PPP3CA: variants seen among roughly 807,000 people sequenced by gnomAD.
The protein encoded by PPP3CA is protein phosphatase 3 catalytic subunit alpha.
In PPP3CA, 14 loss-of-function variants were observed where a neutral mutation model predicts 66.5. That is an observed-to-expected ratio of 0.21 (90% confidence interval 0.14 to 0.33). The LOEUF is 0.33. Among genes scored for constraint, PPP3CA ranks in the 10% least tolerant of loss-of-function variants. PPP3CA has a pLI of 1.00. For missense variants in PPP3CA, 317 were observed against 639.5 expected (o/e 0.50, Z 5.44); for synonymous variants, 232 against 226.2 (o/e 1.03, Z -0.23).
At chr4:101,118,917 C>A (rs940773496) in intron 2 of PPP3CA, among the ~76,000 whole-genome samples, 2 of 150,620 alleles carry the variant, frequency 1.3e-5, no homozygotes, top group African/African-American at 4.9e-5. Flanking sequence ...TGTAAAAGGC[C>A]TCTGCTGCCT....
chr4:101,333,768 G>C (rs569653100), intron 1 of PPP3CA, among the ~76,000 whole-genome samples: 1 of 152,166 alleles, frequency 6.6e-6, no homozygotes, highest in South Asian at 2.1e-4. Context: ...ATTTACTTTT[G>C]CAAAAAATGA....
chr4:101,092,292 G>A (rs913492116), intron 6 of PPP3CA, among the ~76,000 whole-genome samples: 2 of 152,144 alleles, frequency 1.3e-5, no homozygotes, highest in Admixed American at 6.5e-5. Flanking sequence ...ATAAACAAAT[G>A]TAAGAAGGAA....
intron 4 of PPP3CA, 67 bp downstream of exon 4, chr4:101,099,543 CT>C: frequency 1.2e-6 from 1 of 851,364 alleles, no homozygotes; most frequent in Non-Finnish European, 1.8e-6. Flanking sequence ...TTGTATGTAT[CT>C]TATTATTGAT....
chr4:101,170,174 CAAAAG>C (rs45625639), intron 2 of PPP3CA, among the ~76,000 whole-genome samples: 73,804 of 151,328 alleles, frequency 0.49, 19,326 homozygotes, highest in Middle Eastern at 0.63. Flanking sequence ...ATTGAAATAA[CAAAAG>C]AAAAGTGGCC....
At chr4:101,211,292 C>A (rs1725291450) in intron 1 of PPP3CA, among the ~76,000 whole-genome samples, 1 of 152,082 alleles carries the variant, frequency 6.6e-6, no homozygotes, top group Admixed American at 6.6e-5. Context: ...AAGTACACAT[C>A]CAGTTCTCCA....
chr4:101,282,284 T>C (rs1727709780), intron 1 of PPP3CA, among the ~76,000 whole-genome samples: 1 of 152,172 alleles, frequency 6.6e-6, no homozygotes, highest in Admixed American at 6.5e-5. Flanking sequence ...AGAAAAAAAC[T>C]ACAGTTTTTC....
At chr4:101,284,348 G>A (rs1378259075) in intron 1 of PPP3CA, among the ~76,000 whole-genome samples, 2 of 151,956 alleles carry the variant, frequency 1.3e-5, no homozygotes, top group Admixed American at 6.6e-5. Flanking sequence ...CACCTCCTGG[G>A]TCACAGAATC....
chr4:101,098,663 C>G, intron 4 of PPP3CA, 151 bp from the exon 5 acceptor site: 1 of 599,030 alleles, frequency 1.7e-6, no homozygotes, highest in Non-Finnish European at 2.7e-6. Context: ...TTAAGATTTT[C>G]TGAAAGTAAC....
intron 2 of PPP3CA, among the ~76,000 whole-genome samples, chr4:101,183,184 C>T (rs548649076): frequency 6.2e-4 from 95 of 152,138 alleles, no homozygotes; most frequent in African/African-American, 2.1e-3. Flanking sequence ...ATGTTGGGAC[C>T]CAGTGGCCCT....
rs114306082 is a variant in PPP3CA at position 101,152,687 on chromosome 4, C to G, written c.259+43229G>C. 5.5e-3 allele frequency among the ~76,000 whole-genome samples: 840 copies of G among 152,260 alleles called. 10 individuals carry two copies. The highest frequency in any genetic ancestry group is 0.019 in the African/African-American group (792 of 41,528). On this transcript the variant is annotated intron_variant, in intron 2 of 13. Coordinates refer to ENST00000394854, the MANE Select transcript of PPP3CA (RefSeq NM_000944.5). ...CTCTTTCTCCTTATCAACCAATCAACCAGTCAATCTGCAAATATTTAAGAT... is the reference window on the plus strand; with the variant it reads ...CTCTTTCTCCTTATCAACCAATCAAGCAGTCAATCTGCAAATATTTAAGAT...
intron 1 of PPP3CA, among the ~76,000 whole-genome samples, chr4:101,258,155 A>G (rs1726904547): frequency 6.6e-6 from 1 of 152,166 alleles, no homozygotes; most frequent in Non-Finnish European, 1.5e-5. Flanking sequence ...CTAAATCTGA[A>G]GTATAAATAC....
intron 1 of PPP3CA, among the ~76,000 whole-genome samples, chr4:101,213,157 A>G (rs1051480258): frequency 1.3e-5 from 2 of 152,088 alleles, no homozygotes; most frequent in Non-Finnish European, 2.9e-5. Flanking sequence ...AATTTTAATC[A>G]AAGTCATAAA....
In PPP3CA at chr4:101,347,204, G is replaced by T; in HGVS notation, c.-408C>A. 1 of 334,374 alleles carries T rather than the reference G, an allele frequency of 3.0e-6. No homozygotes were observed. Among genetic ancestry groups the T allele is most frequent in the Non-Finnish European group, 5.6e-6 (1 of 177,696 alleles). 20.7% of individuals were successfully genotyped at this position (334,374 alleles called of 1,614,324 possible). ...ATGGAGCCCCACGCGCGCACACACG[G>T]CCAGGATTAAGACCGATCACATGGG... On this transcript the variant is annotated 5_prime_UTR_variant, in exon 1 of 14. Transcript: ENST00000394854.
At chr4:101,178,773 C>G (rs1724143643) in intron 2 of PPP3CA, among the ~76,000 whole-genome samples, 1 of 152,092 alleles carries the variant, frequency 6.6e-6, no homozygotes, top group South Asian at 2.1e-4. Context: ...ATCACTAAAT[C>G]TAACATAAAA....
intron 2 of PPP3CA, among the ~76,000 whole-genome samples, chr4:101,147,453 A>C (rs1435067329): frequency 6.6e-6 from 1 of 152,170 alleles, no homozygotes; most frequent in Non-Finnish European, 1.5e-5. Flanking sequence ...TTATCTGAGA[A>C]TATCAAAGGG....
At chr4:101,332,988 T>C (rs1427046838) in intron 1 of PPP3CA, among the ~76,000 whole-genome samples, 1 of 152,172 alleles carries the variant, frequency 6.6e-6, no homozygotes. Context: ...ACAGCTTAAC[T>C]AGCTTACGTC....
At chr4:101,345,907 C>T (rs1729969215) in intron 1 of PPP3CA, among the ~76,000 whole-genome samples, 1 of 152,172 alleles carries the variant, frequency 6.6e-6, no homozygotes, top group Non-Finnish European at 1.5e-5. Flanking sequence ...GAGGTGTGCA[C>T]GAGTGGAGAA....
intron 10 of PPP3CA, among the ~76,000 whole-genome samples, chr4:101,057,836 G>C (rs1389869789): frequency 6.6e-6 from 1 of 151,896 alleles, no homozygotes; most frequent in Non-Finnish European, 1.5e-5. Context: ...TATGAAATTT[G>C]AATCTGATGC....
At chr4:101,200,204 T>C (rs1413265935) in intron 1 of PPP3CA, among the ~76,000 whole-genome samples, 1 of 152,126 alleles carries the variant, frequency 6.6e-6, no homozygotes, top group East Asian at 1.9e-4. Context: ...CATCTGAGGG[T>C]CATTGCCATG....
Sources: gnomAD v4.1 joint callset for allele counts (sites outside exome capture counted in the v4.1 genomes callset) on GRCh38, gnomAD v4.1.1 for gene constraint, MANE v1.5 for transcripts, NCBI Gene and HGNC (gene_info 2026-07-23, HGNC 2026-07-21) for gene names.